The following NIBAN1 variants were observed in gnomAD, a reference collection of about 807,000 sequenced individuals.
The protein encoded by NIBAN1 is protein Niban 1.
NIBAN1 carries 81 observed loss-of-function variants against 75.1 expected under a neutral mutation model. That is an observed-to-expected ratio of 1.08 (90% CI 0.90 to 1.30). NIBAN1 has a LOEUF of 1.30. Among genes scored for constraint, NIBAN1 ranks in the 50% most tolerant of loss-of-function variants. The pLI is 0.00. For missense variants in NIBAN1, 1,133 were observed against 1,128.1 expected, an observed-to-expected ratio of 1.00 and a Z score of -0.06; for synonymous variants, 436 against 424.8, an observed-to-expected ratio of 1.03 and a Z score of -0.32.
chr1:184,833,715 GATAA>G (rs1557881580), intron 5 of NIBAN1, among the ~76,000 whole-genome samples: 1 of 151,520 alleles, frequency 6.6e-6, no homozygotes, highest in Non-Finnish European at 1.5e-5. Flanking sequence ...AAAATAAATA[GATAA>G]ATAAATAAAA....
In NIBAN1 at chr1:184,884,848, T is replaced by C. The variant is rs780218544; in HGVS notation, c.434-48A>G. 1.8e-5 allele frequency: 29 copies of C among 1,593,242 alleles called. No homozygotes were observed. In the East Asian group the frequency reaches 6.1e-4, roughly 33 times the overall value. ...AATACCTTTTAAAACATGTATCTTT[T>C]ATTTCAAATGTGTGTTTCAGGTCGT... is the stretch of plus-strand genomic sequence containing the variant. On this transcript the variant is annotated intron_variant, in intron 4 of 13. Transcript: ENST00000367511.
intron 6 of NIBAN1, among the ~76,000 whole-genome samples, chr1:184,830,501 AAG>A (rs1553218153): frequency 2.6e-5 from 4 of 152,186 alleles, no homozygotes; most frequent in African/African-American, 9.7e-5. Flanking sequence ...CAGAAAAAAA[AAG>A]AGAGAGAGAG....
chr1:184,954,155 G>A (rs1658426464), intron 1 of NIBAN1, among the ~76,000 whole-genome samples: 1 of 152,204 alleles, frequency 6.6e-6, no homozygotes, highest in Admixed American at 6.5e-5. Context: ...GTTAGAGAGG[G>A]AGAGTAAGTT....
intron 4 of NIBAN1, among the ~76,000 whole-genome samples, chr1:184,885,826 C>T (rs1656510763): frequency 2.6e-5 from 4 of 152,200 alleles, no homozygotes; most frequent in Admixed American, 6.5e-5. Flanking sequence ...TGCTAACAAC[C>T]CCTTCTTTTG....
At chr1:184,860,669 C>T (rs1655793265) in intron 5 of NIBAN1, among the ~76,000 whole-genome samples, 1 of 152,172 alleles carries the variant, frequency 6.6e-6, no homozygotes, top group Admixed American at 6.5e-5. Context: ...GACAATACCT[C>T]TGTCCCACTG....
chr1:184,905,892 C>T (rs1158190710), intron 1 of NIBAN1, among the ~76,000 whole-genome samples: 2 of 152,066 alleles, frequency 1.3e-5, no homozygotes, highest in Admixed American at 6.6e-5. Flanking sequence ...CATGCCAATG[C>T]CCCAGGAAAG....
At position 184,906,288 on chromosome 1, in the gene NIBAN1, T is replaced by C. The variant is rs1535181; in HGVS notation, c.56-6979A>G. On this transcript the variant is annotated intron_variant, in intron 1 of 13. Transcript: ENST00000367511. ...AAATGAACACACACACACACACACA[T>C]GCACACACACACACACATTTGAAAT... is the stretch of plus-strand genomic sequence containing the variant. Among the ~76,000 whole-genome samples the C allele has an allele frequency of 1.0e-4, 14 of 136,638 alleles. No individual in the cohort carries two copies. The East Asian group carries it at 3.1e-3, about 30-fold the overall frequency. The allele number at this position is 136,638 out of a possible 152,430, so 89.6% of individuals were successfully genotyped here. A position where few individuals can be genotyped will look rare whatever the true frequency, so the allele number is the denominator to read the frequency against.
intron 9 of NIBAN1, among the ~76,000 whole-genome samples, chr1:184,815,321 A>G (rs932138949): frequency 1.3e-5 from 2 of 152,204 alleles, no homozygotes; most frequent in African/African-American, 4.8e-5. Flanking sequence ...TTCTGAAAAC[A>G]TCAGAGAAAG....
In NIBAN1 at chr1:184,803,661, T is replaced by C. The variant is rs1419069291; in HGVS notation, c.1478A>G (p.Lys493Arg). Residue 493 changes from lysine to arginine, a missense_variant, in exon 12 of 14, where the codon AAG becomes AGG. Transcript: ENST00000367511. ...AACTAGTGCCTCTTGAAATATCTTC[T>C]TTCGGATGGTGCTGCTGTCATAATC... ...QYDYDSSTIR[K>R]KIFQEALVQI... 31 of 1,614,088 alleles carry C rather than the reference T, an allele frequency of 1.9e-5. No homozygotes were observed. The highest frequency in any genetic ancestry group is 2.5e-5 in the Non-Finnish European group (29 of 1,180,026).
In NIBAN1 at chr1:184,795,411, A is replaced by G. The variant is rs996687440; in HGVS notation, c.2353T>C (p.Leu785=). 1 of 1,604,130 alleles carries G rather than the reference A, an allele frequency of 6.2e-7. No individual in the cohort carries two copies. Among genetic ancestry groups the G allele is most frequent in the African/African-American group, 1.4e-5 (1 of 73,842 alleles). The change falls in exon 14 of 14, where the codon TTG becomes CTG. Residue 785 remains leucine (L), a synonymous_variant. Coordinates refer to ENST00000367511, the MANE Select transcript of NIBAN1 (RefSeq NM_052966.4). ...PPCPEAHGEE[L]GGFPEVGSPA... ...CTGCCTACCTCTGGAAATCCCCCCA[A>G]CTCCTCCCCATGGGCCTCGGGACAG...
chr1:184,908,801 C>T (rs1657167848), intron 1 of NIBAN1, among the ~76,000 whole-genome samples: 1 of 152,102 alleles, frequency 6.6e-6, no homozygotes, highest in Admixed American at 6.6e-5. Flanking sequence ...GTTTATTTTG[C>T]CACTTTTCTA....
intron 5 of NIBAN1, among the ~76,000 whole-genome samples, chr1:184,837,546 T>C (rs543728984): frequency 6.6e-6 from 1 of 152,170 alleles, no homozygotes; most frequent in Non-Finnish European, 1.5e-5. Flanking sequence ...ACTTAAATAA[T>C]AGACTATGAG....
intron 2 of NIBAN1, among the ~76,000 whole-genome samples, chr1:184,898,864 G>A (rs1325051024): frequency 6.6e-6 from 1 of 152,134 alleles, no homozygotes; most frequent in Non-Finnish European, 1.5e-5. Context: ...GGGATTCAAA[G>A]AGAAAATCAT....
In NIBAN1 at chr1:184,862,027, C is replaced by T. The variant is rs114726242; in HGVS notation, c.601+22606G>A. ...TTCTCCACAGGTTCAAGGGCACTCA[C>T]TATTATTCCACAGTTCAAAGAAAGG... On this transcript the variant is annotated intron_variant, in intron 5 of 13. Coordinates refer to ENST00000367511, the MANE Select transcript of NIBAN1 (RefSeq NM_052966.4). Among the ~76,000 whole-genome samples the T allele has an allele frequency of 8.8e-3, 1,338 of 152,290 alleles. 20 individuals are homozygous for T. The highest frequency in any genetic ancestry group is 0.03 in the African/African-American group (1,260 of 41,550).
At chr1:184,831,067 C>T (rs964979953) in intron 6 of NIBAN1, among the ~76,000 whole-genome samples, 45 of 152,102 alleles carry the variant, frequency 3.0e-4, no homozygotes, top group African/African-American at 1.0e-3. Flanking sequence ...CCAGCCTCCT[C>T]TTCTTGGGTG....
intron 1 of NIBAN1, among the ~76,000 whole-genome samples, chr1:184,906,412 C>A (rs1259460317): frequency 1.3e-5 from 2 of 152,112 alleles, no homozygotes; most frequent in Admixed American, 6.6e-5. Context: ...GGGTGGATCA[C>A]CTGAGGTCAG....
chr1:184,938,226 T>C (rs541431692), intron 1 of NIBAN1, among the ~76,000 whole-genome samples: 31 of 152,294 alleles, frequency 2.0e-4, no homozygotes, highest in African/African-American at 7.2e-4. Flanking sequence ...ATATATAACT[T>C]CAAGCTTCAT....
At chr1:184,909,063 TCA>T (rs1355585932) in intron 1 of NIBAN1, among the ~76,000 whole-genome samples, 4 of 152,210 alleles carry the variant, frequency 2.6e-5, no homozygotes, top group Non-Finnish European at 5.9e-5. Context: ...TTGTGACTAA[TCA>T]CAGTCATTAA....
chr1:184,908,086 G>A (rs912988992), intron 1 of NIBAN1, among the ~76,000 whole-genome samples: 3 of 152,146 alleles, frequency 2.0e-5, no homozygotes, highest in East Asian at 1.9e-4. Flanking sequence ...ATAAAGCATC[G>A]TTTCCTGCTT....
Sources: gnomAD v4.1 joint callset for allele counts (sites outside exome capture counted in the v4.1 genomes callset) on GRCh38, gnomAD v4.1.1 for gene constraint, MANE v1.5 for transcripts, NCBI Gene and HGNC (gene_info 2026-07-23, HGNC 2026-07-21) for gene names.